ITGA4: variants seen among roughly 807,000 people sequenced by gnomAD.
ITGA4 encodes integrin alpha-4.
In ITGA4, 63 loss-of-function variants were observed where a neutral mutation model predicts 133.6. The ratio of observed to expected loss-of-function variants is 0.47; its 90% CI spans 0.38 to 0.58. The LOEUF (loss-of-function observed/expected upper bound fraction) is 0.58. Ranked by LOEUF, ITGA4 falls within the 20% of genes least tolerant of loss-of-function variation. The probability of loss-of-function intolerance (pLI) is 0.00; values close to 1 mark genes in which losing one functional copy is unlikely to be tolerated. For missense variants in ITGA4, 1,076 were observed against 1,252.7 expected (o/e 0.86, Z 2.13); for synonymous variants, 483 against 438.0 (o/e 1.10, Z -1.28).
chr2:181,481,571 T>A (rs771933541), intron 6 of ITGA4, 27 bp from the exon 7 acceptor site: 4 of 1,325,950 alleles, frequency 3.0e-6, no homozygotes, highest in South Asian at 2.5e-5. Flanking sequence ...TACCCAGGAC[T>A]CTCATACTTT....
At chr2:181,501,418 G>C (rs1208168460) in intron 15 of ITGA4, among the ~76,000 whole-genome samples, 3 of 152,162 alleles carry the variant, frequency 2.0e-5, no homozygotes, top group Admixed American at 6.6e-5. Flanking sequence ...TTCTCTGAGA[G>C]AAAGGGGGAT....
Position 181,457,795 on chromosome 2 carries a change from C to A in ITGA4, c.141C>A (p.Pro47=). 1 of 1,613,762 alleles carries A rather than the reference C, an allele frequency of 6.2e-7. No individual in the cohort carries two copies. Among genetic ancestry groups the A allele is most frequent in the Non-Finnish European group, 8.5e-7 (1 of 1,179,980 alleles). The part of the protein sequence containing the change: ...DTESALLYQG[P]HNTLFGYSVV... ...AGAGCGCGCTGCTTTACCAGGGCCC[C>A]CACAACACGCTGTTCGGCTACTCGG... is the stretch of plus-strand genomic sequence containing the variant. Residue 47 remains proline (P), a synonymous_variant, in exon 1 of 28, where the codon CCC becomes CCA. Transcript: ENST00000397033.
chr2:181,527,550 G>A, intron 22 of ITGA4, 163 bp downstream of exon 22: 1 of 541,126 alleles, frequency 1.8e-6, no homozygotes, highest in East Asian at 3.2e-5. Context: ...TCAGACCCCT[G>A]CTGCTTTCCT....
At position 181,457,967 on chromosome 2, in the gene ITGA4, C is replaced by G. The variant is rs943573442; in HGVS notation, c.197+116C>G. The G allele has an allele frequency of 1.4e-5, 16 of 1,174,676 alleles. No homozygotes were observed. In the African/African-American group the frequency reaches 2.2e-4, roughly 16 times the overall value. 72.8% of individuals were successfully genotyped at this position (1,174,676 alleles called of 1,614,324 possible). On this transcript the variant is annotated intron_variant, in intron 1 of 27. Coordinates refer to ENST00000397033, the MANE Select transcript of ITGA4 (RefSeq NM_000885.6). ...CCCTCCCAAGGAGGCAGGAGGGAAA[C>G]GCTGCGAGAGCCAGCTCGCTGGAAA...
In ITGA4 at chr2:181,522,230, G is replaced by A. The variant is rs1686735933; in HGVS notation, c.1962G>A (p.Met654Ile). The A allele has an allele frequency of 6.3e-7, 1 of 1,589,288 alleles. No individual in the cohort carries two copies. Among genetic ancestry groups the A allele is most frequent in the African/African-American group, 1.3e-5 (1 of 74,074 alleles). ...AAACATATCTTGCTGTTGGGAGTAT[G>A]AAGACATTGATGTTGAATGTGTCCT... The part of the protein sequence containing the change: ...ENKTYLAVGS[M>I]KTLMLNVSLF... Residue 654 changes from methionine to isoleucine, a missense_variant, in exon 18 of 28, where the codon ATG becomes ATA. Around this residue, in one of 4 missense-constraint regions of ITGA4, gnomAD observed 365 missense variants for 421.4 expected, o/e 0.87. Transcript: ENST00000397033.
chr2:181,527,179 A>G (rs1686851183), intron 21 of ITGA4, 118 bp from the exon 22 acceptor site: 1 of 599,712 alleles, frequency 1.7e-6, no homozygotes, highest in South Asian at 2.1e-5. Flanking sequence ...CTGACCACAA[A>G]ACCAAAAGTA....
chr2:181,522,843 T>C (rs775750219), intron 18 of ITGA4, among the ~76,000 whole-genome samples: 10 of 152,224 alleles, frequency 6.6e-5, no homozygotes, highest in Non-Finnish European at 8.8e-5. Flanking sequence ...CTCTAGTGTT[T>C]GCGCTACTTG....
At position 181,525,257 on chromosome 2, in the gene ITGA4, C is replaced by A; in HGVS notation, c.2305C>A (p.Pro769Thr). The A allele has an allele frequency of 6.2e-7, 1 of 1,605,352 alleles. No homozygotes were observed. Among genetic ancestry groups the A allele is most frequent in the South Asian group, 1.1e-5 (1 of 90,836 alleles). ...LKHSRVTVAI[P>T]LKYEVKLTVH... Reference sequence around the variant, plus strand: ...GCACAGCAGAGTGACTGTAGCAATACCTTTAAAATATGAGGTTAAGCTGAC... The same window carrying A: ...GCACAGCAGAGTGACTGTAGCAATAACTTTAAAATATGAGGTTAAGCTGAC... The change falls in exon 21 of 28, where the codon CCT becomes ACT. Residue 769 changes from proline to threonine, a missense_variant. By Grantham distance (38) the Pro-to-Thr change is conservative. This residue lies in a region of ITGA4 where 365 missense variants were observed against 421.4 expected (regional missense o/e 0.87). Transcript: ENST00000397033.
chr2:181,475,194 A>G lies in ITGA4; in HGVS notation c.462A>G (p.Ile154Met), dbSNP rs1179053739. 6.2e-7 allele frequency: 1 copy of G among 1,612,912 alleles called. No individual in the cohort carries two copies. The highest frequency in any genetic ancestry group is 1.1e-5 in the South Asian group (1 of 91,038). The stretch of plus-strand genomic sequence containing the variant: ...ATAGATGGAAAAATATATTTTACAT[A>G]AAGAATGAAAATAAGCTCCCCACTG... ...CGHRWKNIFY[I>M]KNENKLPTGG... Residue 154 changes from isoleucine (I) to methionine (M), a missense_variant, in exon 4 of 28, where the codon ATA (isoleucine) becomes ATG (methionine). Ile to Met is a conservative substitution (Grantham distance 10, BLOSUM62 1). This residue lies in a region of ITGA4 where 436 missense variants were observed against 590.7 expected (regional missense o/e 0.74). Transcript: ENST00000397033.
rs1559062198 is a variant in ITGA4 at position 181,536,837 on chromosome 2, T to G, written c.*1310T>G. 2.6e-6 allele frequency: 1 copy of G among 378,498 alleles called. No individual in the cohort carries two copies. Among genetic ancestry groups the G allele is most frequent in the Admixed American group, 3.1e-5 (1 of 32,174 alleles). 23.4% of individuals were successfully genotyped at this position (378,498 alleles called of 1,614,324 possible). A position where few individuals can be genotyped will look rare whatever the true frequency, so the allele number is the denominator to read the frequency against. ...TGCAGAATATCATTTTATCTGACTCTGCCTTCATAAGAGAGCTGTGGCCGA... is the reference window on the plus strand; with the variant it reads ...TGCAGAATATCATTTTATCTGACTCGGCCTTCATAAGAGAGCTGTGGCCGA... On this transcript the variant is annotated 3_prime_UTR_variant, in exon 28 of 28. Coordinates refer to ENST00000397033, the MANE Select transcript of ITGA4 (RefSeq NM_000885.6).
intron 15 of ITGA4, among the ~76,000 whole-genome samples, chr2:181,502,277 T>C (rs908234620): frequency 6.6e-6 from 1 of 152,112 alleles, no homozygotes; most frequent in African/African-American, 2.4e-5. Flanking sequence ...TAGGTTATTC[T>C]TTCAAAAAGT....
chr2:181,474,533 T>C (rs1411915729), intron 2 of ITGA4, among the ~76,000 whole-genome samples: 1 of 152,264 alleles, frequency 6.6e-6, no homozygotes, highest in South Asian at 2.1e-4. Flanking sequence ...GAGGATGTAT[T>C]ATAGTCTTTC....
In ITGA4 at chr2:181,523,266, A is replaced by G; in HGVS notation, c.2074-171A>G. 1.9e-6 allele frequency: 1 copy of G among 533,314 alleles called. No individual in the cohort carries two copies. Among genetic ancestry groups the G allele is most frequent in the Non-Finnish European group, 3.4e-6 (1 of 296,294 alleles). 33.0% of individuals were successfully genotyped at this position (533,314 alleles called of 1,614,324 possible). A position where few individuals can be genotyped will look rare whatever the true frequency, so the allele number is the denominator to read the frequency against. On this transcript the variant is annotated intron_variant, in intron 18 of 27. Coordinates refer to ENST00000397033, the MANE Select transcript of ITGA4 (RefSeq NM_000885.6). The surrounding 1 kb of genome is among the most constrained non-coding windows in gnomAD (Gnocchi z 4.2). ...CACATACATATATACACACATGCAC[A>G]CATATTTATATCATATGTCTATTTA...
intron 10 of ITGA4, among the ~76,000 whole-genome samples, chr2:181,488,605 C>CTCT (rs1685972881): frequency 6.6e-6 from 1 of 151,622 alleles, no homozygotes; most frequent in African/African-American, 2.4e-5. Flanking sequence ...GTCACCCAGG[C>CTCT]CAGAGTGCAG....
chr2:181,534,741 A>T (rs1574417015), intron 26 of ITGA4, 75 bp from the exon 27 acceptor site: 5 of 1,291,526 alleles, frequency 3.9e-6, no homozygotes, highest in East Asian at 2.5e-5. Flanking sequence ...GCAGGGCTTT[A>T]AAGGAAATAT....
chr2:181,463,047 C>G (rs893815727), intron 2 of ITGA4, among the ~76,000 whole-genome samples: 1 of 152,086 alleles, frequency 6.6e-6, no homozygotes, highest in African/African-American at 2.4e-5. Context: ...TAAAGTGATG[C>G]ATTCCTGAAG....
chr2:181,521,054 CATT>C (rs145765371), intron 17 of ITGA4, among the ~76,000 whole-genome samples: 2,803 of 152,158 alleles, frequency 0.018, 73 homozygotes, highest in African/African-American at 0.063. Context: ...ACAATTTAAA[CATT>C]ATTGAAGAAA....
At chr2:181,481,838 T>C (rs2105733331) in intron 7 of ITGA4, among the ~76,000 whole-genome samples, 155 bp downstream of exon 7, 1 of 152,336 alleles carries the variant, frequency 6.6e-6, no homozygotes, top group East Asian at 1.9e-4. Context: ...AAAGATGTTA[T>C]GGTTTTAGAA....
chr2:181,500,706 G>A (rs981347113), intron 15 of ITGA4, among the ~76,000 whole-genome samples: 2 of 152,054 alleles, frequency 1.3e-5, no homozygotes, highest in Non-Finnish European at 2.9e-5. Context: ...CTGTCTGTTG[G>A]TTGGACATGG....
Sources: allele counts gnomAD v4.1 joint callset (sites outside exome capture counted in the v4.1 genomes callset), GRCh38; gene constraint gnomAD v4.1.1; regional missense constraint gnomAD v4.1.1; non-coding constraint Gnocchi (gnomAD v3.1); transcripts MANE v1.5; gene names NCBI Gene and HGNC (gene_info 2026-07-23, HGNC 2026-07-21).